MMS22L: variants seen among roughly 807,000 people sequenced by gnomAD.
MMS22L encodes MMS22 like, DNA repair protein, also known as protein MMS22-like.
A neutral mutation model predicts 159.1 loss-of-function variants in MMS22L; 74 were observed. The observed-to-expected ratio is 0.47, with a 90% CI of 0.39 to 0.56. The LOEUF (loss-of-function observed/expected upper bound fraction) is 0.56, where lower values mean the gene tolerates loss of function less well. MMS22L is among the 20% of genes least tolerant of loss of function. MMS22L has a pLI of 0.00. For missense variants in MMS22L, 1,351 were observed against 1,422.1 expected (o/e 0.95, Z 0.80); for synonymous variants, 517 against 506.9 (o/e 1.02, Z -0.27).
chr6:97,199,350 T>C (rs1427916878), intron 14 of MMS22L, among the ~76,000 whole-genome samples: 1 of 152,164 alleles, frequency 6.6e-6, no homozygotes, highest in Non-Finnish European at 1.5e-5. Context: ...GATTATTAAC[T>C]ACATCAACCC....
chr6:97,239,188 T>C (rs954487913), intron 11 of MMS22L, among the ~76,000 whole-genome samples: 5 of 152,072 alleles, frequency 3.3e-5, no homozygotes, highest in Admixed American at 2.6e-4. Flanking sequence ...TTAAAGACTA[T>C]TGTCCCACAT....
rs950842746 is a variant in MMS22L, at chr6:97,282,560, G to T, written c.-76-7C>A. On this transcript the variant is annotated splice_region_variant and splice_polypyrimidine_tract_variant and intron_variant, in intron 1 of 24. Transcript: ENST00000683635. Reference sequence around the variant, plus strand: ...AGAAGGTGTGAAGAGATTCCTGTTGGGGGGGGGGGGGTGGGGCCGAGAGAG... The same window carrying T: ...AGAAGGTGTGAAGAGATTCCTGTTGTGGGGGGGGGGGTGGGGCCGAGAGAG... The T allele has an allele frequency of 1.6e-4, 6 of 37,616 alleles. No homozygotes were observed. The highest frequency in any genetic ancestry group is 2.2e-4 in the Non-Finnish European group (5 of 23,012). The allele number at this position is 37,616 out of a possible 1,614,324, so 2.3% of individuals were successfully genotyped here.
intron 13 of MMS22L, chr6:97,231,217 A>G: frequency 2.0e-6 from 1 of 510,420 alleles, no homozygotes; most frequent in East Asian, 3.3e-5. Context: ...CAAAGAACAC[A>G]AAAGTTTTAT....
At chr6:97,221,098 A>G (rs192149042) in intron 14 of MMS22L, among the ~76,000 whole-genome samples, 1 of 152,260 alleles carries the variant, frequency 6.6e-6, no homozygotes, top group Non-Finnish European at 1.5e-5. Flanking sequence ...TCTAACATTC[A>G]TTGAACACTT....
At chr6:97,230,505 A>T (rs1170912457) in intron 13 of MMS22L, 2 of 152,090 alleles carry the variant, frequency 1.3e-5, no homozygotes, top group Non-Finnish European at 1.5e-5. Context: ...ACAAACTCTT[A>T]AAAGTAAAAA....
chr6:97,224,930 T>C (rs1258316520), intron 14 of MMS22L, among the ~76,000 whole-genome samples: 5 of 152,146 alleles, frequency 3.3e-5, no homozygotes, highest in African/African-American at 9.7e-5. Flanking sequence ...TTAAGTAAGT[T>C]AATTAAAAAT....
chr6:97,278,780 A>G, intron 4 of MMS22L, 69 bp downstream of exon 4: 1 of 1,290,904 alleles, frequency 7.7e-7, no homozygotes, highest in Non-Finnish European at 1.1e-6. Context: ...TTATACCATC[A>G]TGGACCCATG....
At chr6:97,281,173 C>T (rs1045074599) in intron 3 of MMS22L, 64 bp downstream of exon 3, 3 of 1,500,714 alleles carry the variant, frequency 2.0e-6, no homozygotes, top group Middle Eastern at 3.6e-4. Flanking sequence ...AGAAGCCACC[C>T]AACAACGTAA....
intron 18 of MMS22L, among the ~76,000 whole-genome samples, chr6:97,176,034 G>C (rs185851710): frequency 6.6e-6 from 1 of 152,266 alleles, no homozygotes; most frequent in Admixed American, 6.5e-5. Flanking sequence ...ACTTTGCATT[G>C]TCGTTCACGG....
chr6:97,236,243 C>T (rs1425307334), intron 11 of MMS22L, among the ~76,000 whole-genome samples: 2 of 149,328 alleles, frequency 1.3e-5, no homozygotes, highest in East Asian at 3.9e-4. Flanking sequence ...GCAGGAAAAT[C>T]GCTTGAACCC....
chr6:97,174,556 G>A (rs1803931579), intron 18 of MMS22L, among the ~76,000 whole-genome samples: 1 of 152,150 alleles, frequency 6.6e-6, no homozygotes, highest in Non-Finnish European at 1.5e-5. Context: ...TCTAATTATG[G>A]TGAATAGGGA....
At chr6:97,246,017 T>TA (rs1812602932) in intron 11 of MMS22L, 2 of 241,510 alleles carry the variant, frequency 8.3e-6, no homozygotes. Context: ...CATAAACTCT[T>TA]ACAAAAATGA....
intron 14 of MMS22L, among the ~76,000 whole-genome samples, chr6:97,200,333 A>G (rs2500503): frequency 0.35 from 52,721 of 151,914 alleles, 10,490 homozygotes; most frequent in East Asian, 0.78. Flanking sequence ...GTAGTTCTTT[A>G]AAAGGGAGGA....
At chr6:97,251,385 G>A (rs1383149606) in intron 10 of MMS22L, among the ~76,000 whole-genome samples, 2 of 152,114 alleles carry the variant, frequency 1.3e-5, no homozygotes, top group Non-Finnish European at 2.9e-5. Flanking sequence ...CACAGTCACT[G>A]TGAAATACTA....
intron 22 of MMS22L, among the ~76,000 whole-genome samples, chr6:97,160,552 T>C (rs1485154114): frequency 6.6e-6 from 1 of 151,832 alleles, no homozygotes; most frequent in Non-Finnish European, 1.5e-5. Context: ...CCTTTAGCTT[T>C]TGGCATCTTT....
intron 20 of MMS22L, among the ~76,000 whole-genome samples, chr6:97,166,251 G>C (rs1204045333): frequency 6.6e-6 from 1 of 152,008 alleles, no homozygotes; most frequent in African/African-American, 2.4e-5. Context: ...TTTTCTGCTA[G>C]TATTAGTAAA....
Position 97,184,705 on chromosome 6 carries a change from G to A in MMS22L, c.2233+1792C>T, listed in dbSNP as rs569729999. Among the ~76,000 whole-genome samples, 81 of 152,048 alleles carry A rather than the reference G, an allele frequency of 5.3e-4. 1 individual carries two copies. The highest frequency in any genetic ancestry group is 1.9e-3 in the African/African-American group (79 of 41,498). ...CTGACCACTTCTCACCACCTCTACT[G>A]CCACCACTCTAGCCACAGCTGCTCA... is the stretch of plus-strand genomic sequence containing the variant. On this transcript the variant is annotated intron_variant, in intron 15 of 24. Transcript: ENST00000683635.
At position 97,142,504 on chromosome 6, in the gene MMS22L, T is replaced by A. The variant is rs908821199; in HGVS notation, c.*4302A>T. On this transcript the variant is annotated 3_prime_UTR_variant, in exon 25 of 25. Coordinates refer to ENST00000683635, the MANE Select transcript of MMS22L (RefSeq NM_001350599.2). ...TATACTCTTGCCTGACAGGCAATAT[T>A]TTTAACTCTAAGAGGGGTAGGTAAA... 10 of 152,598 alleles carry A rather than the reference T, an allele frequency of 6.6e-5. No individual in the cohort carries two copies. The highest frequency in any genetic ancestry group is 4.6e-4 in the Admixed American group (7 of 15,294). 9.5% of individuals were successfully genotyped at this position (152,598 alleles called of 1,614,324 possible). A position where few individuals can be genotyped will look rare whatever the true frequency, so the allele number is the denominator to read the frequency against.
intron 14 of MMS22L, among the ~76,000 whole-genome samples, chr6:97,223,761 T>A (rs1010986879): frequency 6.6e-6 from 1 of 152,150 alleles, no homozygotes. Flanking sequence ...CTTGATAATA[T>A]TTGCCTTGGA....
Sources: allele counts gnomAD v4.1 joint callset (sites outside exome capture counted in the v4.1 genomes callset), GRCh38; gene constraint gnomAD v4.1.1; transcripts MANE v1.5; gene names NCBI Gene and HGNC (gene_info 2026-07-23, HGNC 2026-07-21).